SNTG2: variants seen among roughly 807,000 people sequenced by gnomAD.
The protein encoded by SNTG2 is syntrophin gamma 2.
SNTG2 carries 74 observed loss-of-function variants against 70.9 expected under a neutral mutation model. The observed-to-expected ratio is 1.04, with a 90% confidence interval of 0.86 to 1.27. The LOEUF (loss-of-function observed/expected upper bound fraction) is 1.27. SNTG2 is among the 50% of genes most tolerant of loss of function. SNTG2 has a pLI of 0.00. For synonymous variants in SNTG2, 278 were observed against 273.8 expected, an observed-to-expected ratio of 1.02 and a Z score of -0.15; for missense variants, 717 against 690.7, an observed-to-expected ratio of 1.04 and a Z score of -0.43.
At chr2:1,231,768 G>A (rs903978601) in intron 9 of SNTG2, among the ~76,000 whole-genome samples, 4 of 152,164 alleles carry the variant, frequency 2.6e-5, no homozygotes, top group Admixed American at 6.6e-5. Flanking sequence ...CCACCTTCCC[G>A]TGACAAACCC....
chr2:976,299 G>T (rs928526717), intron 1 of SNTG2, among the ~76,000 whole-genome samples: 19 of 152,198 alleles, frequency 1.2e-4, no homozygotes, highest in African/African-American at 4.6e-4. Context: ...ATTTTGAGTT[G>T]TGAAGGTTTG....
At chr2:1,075,180 C>G (rs577415769) in intron 1 of SNTG2, among the ~76,000 whole-genome samples, 1 of 152,184 alleles carries the variant, frequency 6.6e-6, no homozygotes, top group Non-Finnish European at 1.5e-5. Flanking sequence ...TAAACAGACA[C>G]ATGTGTGCAT....
At position 1,259,351 on chromosome 2, in the gene SNTG2, C is replaced by A. The variant is rs761569097; in HGVS notation, c.1006-19C>A. 1 of 1,612,700 alleles carries A rather than the reference C, an allele frequency of 6.2e-7. No individual in the cohort carries two copies. The highest frequency in any genetic ancestry group is 8.5e-7 in the Non-Finnish European group (1 of 1,179,158). ...AAGTAGCATGCTGCTTTTCATGGAA[C>A]GTTCTCTGTTTCTTGCAGGTGAGCA... On this transcript the variant is annotated intron_variant, in intron 12 of 16. Transcript: ENST00000308624.
intron 1 of SNTG2, among the ~76,000 whole-genome samples, chr2:1,058,261 A>T (rs1662596107): frequency 6.6e-6 from 1 of 152,154 alleles, no homozygotes; most frequent in Non-Finnish European, 1.5e-5. Flanking sequence ...CAATGAGGGT[A>T]GTGTCTCTGT....
intron 11 of SNTG2, among the ~76,000 whole-genome samples, chr2:1,243,853 CCGT>C (rs1677209943): frequency 6.6e-6 from 1 of 152,228 alleles, no homozygotes; most frequent in African/African-American, 2.4e-5. Context: ...TGGTGAAACC[CCGT>C]CTCTACTAAA....
chr2:1,215,683 T>C (rs1572747814), intron 9 of SNTG2, among the ~76,000 whole-genome samples: 3 of 151,904 alleles, frequency 2.0e-5, no homozygotes, highest in Admixed American at 2.0e-4. Flanking sequence ...TATGCATATC[T>C]CCTAATGCTA....
At chr2:951,532 G>C (rs1659962454) in intron 1 of SNTG2, among the ~76,000 whole-genome samples, 1 of 152,226 alleles carries the variant, frequency 6.6e-6, no homozygotes, top group African/African-American at 2.4e-5. Context: ...GGTGCATGGC[G>C]CGGCCTCGGC....
chr2:1,252,590 C>T (rs749750325), intron 12 of SNTG2, among the ~76,000 whole-genome samples: 14 of 152,172 alleles, frequency 9.2e-5, no homozygotes, highest in Non-Finnish European at 1.9e-4. Context: ...TCCAGCATCA[C>T]CTCTGACATA....
chr2:1,154,862 G>GCACACACCACACAAACACACCA (rs1669750452), intron 6 of SNTG2, among the ~76,000 whole-genome samples: 1 of 146,050 alleles, frequency 6.8e-6, no homozygotes, highest in East Asian at 2.0e-4. Flanking sequence ...ACATAGACAT[G>GCACACACCACACAAACACACCA]CACACACCAC....
At chr2:1,314,703 G>C (rs973215189) in intron 15 of SNTG2, among the ~76,000 whole-genome samples, 3 of 152,200 alleles carry the variant, frequency 2.0e-5, no homozygotes, top group Non-Finnish European at 4.4e-5. Flanking sequence ...CTGCTATGAA[G>C]AAATACCCAA....
chr2:1,351,195 G>C (rs1660553948), intron 16 of SNTG2, among the ~76,000 whole-genome samples: 1 of 151,912 alleles, frequency 6.6e-6, no homozygotes, highest in Non-Finnish European at 1.5e-5. Flanking sequence ...CTACGGTAAA[G>C]TGCAAGCACT....
intron 6 of SNTG2, among the ~76,000 whole-genome samples, chr2:1,152,772 G>C (rs1380052221): frequency 1.3e-5 from 2 of 152,148 alleles, no homozygotes; most frequent in Admixed American, 6.5e-5. Context: ...TTACATTATT[G>C]AGGGTAATTT....
intron 1 of SNTG2, among the ~76,000 whole-genome samples, chr2:958,260 G>T (rs373531033): frequency 6.6e-5 from 10 of 152,174 alleles, no homozygotes; most frequent in African/African-American, 2.4e-4. Context: ...GTTATTGCTT[G>T]TGAGACAAAA....
intron 16 of SNTG2, among the ~76,000 whole-genome samples, chr2:1,318,523 G>A (rs79705379): frequency 6.6e-6 from 1 of 152,242 alleles, no homozygotes; most frequent in Non-Finnish European, 1.5e-5. Flanking sequence ...TGGGCTGGGG[G>A]AGAGCGATGA....
At position 978,648 on chromosome 2, in the gene SNTG2, G is replaced by A. The variant is rs990230748; in HGVS notation, c.72+27580G>A. 6.6e-5 allele frequency among the ~76,000 whole-genome samples: 10 copies of A among 152,248 alleles called. No homozygotes were observed. The South Asian group carries it at 1.0e-3, about 16-fold the overall frequency. ...TAGCCACTCATACAATTTGCTAACC[G>A]GGGCTGAAAGCTGTTAGAAATGACT... On this transcript the variant is annotated intron_variant, in intron 1 of 16. Transcript: ENST00000308624.
At chr2:1,260,167 A>G (rs74462992) in intron 13 of SNTG2, among the ~76,000 whole-genome samples, 178 of 152,354 alleles carry the variant, frequency 1.2e-3, no homozygotes, top group Non-Finnish European at 2.1e-3. Flanking sequence ...GTAAAGAGTT[A>G]TCAGTCTAAA....
intron 4 of SNTG2, among the ~76,000 whole-genome samples, chr2:1,120,926 C>T (rs1357094888): frequency 6.6e-6 from 1 of 152,028 alleles, no homozygotes; most frequent in Non-Finnish European, 1.5e-5. Context: ...ATATAAAGAA[C>T]TTTCCATGCA....
intron 7 of SNTG2, among the ~76,000 whole-genome samples, chr2:1,169,537 CTG>C (rs1670982299): frequency 6.6e-6 from 1 of 152,206 alleles, no homozygotes; most frequent in Non-Finnish European, 1.5e-5. Context: ...AGCACTGAGC[CTG>C]TGTTTCCCTC....
At chr2:982,653 G>A (rs943859494) in intron 1 of SNTG2, among the ~76,000 whole-genome samples, 4 of 152,232 alleles carry the variant, frequency 2.6e-5, no homozygotes, top group Non-Finnish European at 5.9e-5. Flanking sequence ...CATGCAGTGG[G>A]TTTCTGAAAG....
Sources: gnomAD v4.1 joint callset for allele counts (sites outside exome capture counted in the v4.1 genomes callset) on GRCh38, gnomAD v4.1.1 for gene constraint, MANE v1.5 for transcripts, NCBI Gene and HGNC (gene_info 2026-07-23, HGNC 2026-07-21) for gene names.